FLII: variants seen among roughly 807,000 people sequenced by gnomAD.
FLII encodes the protein FLII actin remodeling protein, also known as protein flightless-1 homolog.
Under a neutral mutation model 156.2 loss-of-function variants are expected in FLII, and 101 were observed. The observed-to-expected ratio is 0.65, with a 90% CI of 0.55 to 0.76. The LOEUF is 0.76. FLII is among the 30% of genes least tolerant of loss of function. The pLI is 0.00. For synonymous variants in FLII, 767 were observed against 685.8 expected, an observed-to-expected ratio of 1.12 and a Z score of -1.85; for missense variants, 1,675 against 1,682.8, an observed-to-expected ratio of 1.00 and a Z score of 0.08.
In FLII at chr17:18,246,322, G is replaced by C. The variant is rs1028235007; in HGVS notation, c.3192C>G (p.Ser1064Arg). Residue 1064 changes from serine (S) to arginine (R), a missense_variant, in exon 24 of 30, where the codon AGC becomes AGG. Ser to Arg is a moderately radical substitution (Grantham distance 110). Transcript: ENST00000327031. ...CAGCCAGGCACCGGGTGCAGAGGGC[G>C]CTGCCGTTGGTGCGGATCTGGTAGA... ...PSLYQIRTNG[S>R]ALCTRCIQIN... 8.7e-6 allele frequency: 14 copies of C among 1,613,730 alleles called. No homozygotes were observed. The highest frequency in any genetic ancestry group is 1.6e-4 in the Middle Eastern group (1 of 6,062).
chr17:18,254,254 A>T, intron 6 of FLII, 72 bp from the exon 7 acceptor site: 1 of 1,241,658 alleles, frequency 8.1e-7, no homozygotes. Flanking sequence ...TTGGCAGGGC[A>T]GGACCAAAAG....
chr17:18,247,238 C>T lies in FLII; in HGVS notation c.2607G>A (p.Lys869=). The part of the protein sequence containing the change: ...LSGKVKRDAE[K]KDQMKADLTA... Reference sequence around the variant, plus strand: ...TGAGGTCAGCCTTCATCTGGTCTTTCTTCTCGGCGTCGCGTTTCACCTTCC... The same window carrying T: ...TGAGGTCAGCCTTCATCTGGTCTTTTTTCTCGGCGTCGCGTTTCACCTTCC... Residue 869 remains lysine, a synonymous_variant, in exon 21 of 30, where the codon AAG becomes AAA. Transcript: ENST00000327031. 2 of 1,603,324 alleles carry T rather than the reference C, an allele frequency of 1.2e-6. No individual in the cohort carries two copies. Among genetic ancestry groups the T allele is most frequent in the Non-Finnish European group, 1.7e-6 (2 of 1,179,246 alleles).
Position 18,258,046 on chromosome 17 carries a change from C to T in FLII, c.63+582G>A, listed in dbSNP as rs1325053391. On this transcript the variant is annotated intron_variant, in intron 1 of 29. Coordinates refer to ENST00000327031, the MANE Select transcript of FLII (RefSeq NM_002018.4). This position sits in a 1 kb window ranked among gnomAD's most constrained non-coding sequence, Gnocchi z 4.2. ...AACTGCCACCCAGCACCTGGCACACCGGCCTGACACACTCTCCACACCAAC... is the reference window on the plus strand; with the variant it reads ...AACTGCCACCCAGCACCTGGCACACTGGCCTGACACACTCTCCACACCAAC... 2.6e-5 allele frequency among the ~76,000 whole-genome samples: 4 copies of T among 152,242 alleles called. No homozygotes were observed. The highest frequency in any genetic ancestry group is 4.4e-5 in the Non-Finnish European group (3 of 68,044).
At position 18,246,766 on chromosome 17, in the gene FLII, T is replaced by C. The variant is rs200248186; in HGVS notation, c.2879A>G (p.Glu960Gly). 1 of 1,613,960 alleles carries C rather than the reference T, an allele frequency of 6.2e-7. No homozygotes were observed. The highest frequency in any genetic ancestry group is 1.3e-5 in the African/African-American group (1 of 75,016). ...GGTTGCTTCCTCGCCTTCTTTGCCC[T>C]CGGCCTTCTCCTCCTTGTCTTCCTT... Reference protein sequence around the residue: ...EKKEDKEEKAEGKEGEEATAE... With the variant: ...EKKEDKEEKAGGKEGEEATAE... The change falls in exon 23 of 30, where the codon GAG becomes GGG. Residue 960 changes from glutamate (E) to glycine (G), a missense_variant. Around this residue, in one of 2 missense-constraint regions of FLII, gnomAD observed 1,332 missense variants for 1,269.3 expected, o/e 1.05. Coordinates refer to ENST00000327031, the MANE Select transcript of FLII (RefSeq NM_002018.4).
In FLII at chr17:18,256,936, G is replaced by C; in HGVS notation, c.147C>G (p.Pro49=). 6.2e-7 allele frequency: 1 copy of C among 1,610,846 alleles called. No individual in the cohort carries two copies. Among genetic ancestry groups the C allele is most frequent in the Non-Finnish European group, 8.5e-7 (1 of 1,178,726 alleles). ...KLNRTGLCYL[P]EELAALQKLE... ...GCTTCTGCAGGGCGGCCAGCTCCTC[G>C]GGCAGGTAGCAGAGGCCAGTGCGGT... The change falls in exon 2 of 30, where the codon CCC becomes CCG. Residue 49 remains proline, a synonymous_variant. Transcript: ENST00000327031.
rs1352731247 is a variant in FLII, at chr17:18,258,599, A to G, written c.63+29T>C. 1.3e-6 allele frequency: 2 copies of G among 1,544,644 alleles called. No individual in the cohort carries two copies. The highest frequency in any genetic ancestry group is 2.8e-5 in the African/African-American group (2 of 71,232). Reference sequence around the variant, plus strand: ...CGGGCGGAAGAGAAGGCCTGCAGGGAGGCCCGGCACGCGCCCGGCCCGGCT... The same window carrying G: ...CGGGCGGAAGAGAAGGCCTGCAGGGGGGCCCGGCACGCGCCCGGCCCGGCT... On this transcript the variant is annotated intron_variant, in intron 1 of 29. Coordinates refer to ENST00000327031, the MANE Select transcript of FLII (RefSeq NM_002018.4). The surrounding 1 kb of genome is among the most constrained non-coding windows in gnomAD (Gnocchi z 4.2).
chr17:18,256,467 G>A (rs2048420502), intron 3 of FLII, 59 bp downstream of exon 3: 9 of 1,382,432 alleles, frequency 6.5e-6, no homozygotes, highest in African/African-American at 1.4e-5. Flanking sequence ...CAGGCTTCAC[G>A]TCCCTGACCG....
Position 18,251,035 on chromosome 17 carries a change from G to A in FLII, c.1597-18C>T, listed in dbSNP as rs4925153. On this transcript the variant is annotated intron_variant, in intron 13 of 29. Coordinates refer to ENST00000327031, the MANE Select transcript of FLII (RefSeq NM_002018.4). Reference sequence around the variant, plus strand: ...AGAAAGGTCTGGAAGCCAAGGCACCGGCCACATCAGCTTTCATCCTGGTCT... The same window carrying A: ...AGAAAGGTCTGGAAGCCAAGGCACCAGCCACATCAGCTTTCATCCTGGTCT... 115 of 1,606,620 alleles carry A rather than the reference G, an allele frequency of 7.2e-5. No homozygotes were observed. Among genetic ancestry groups the A allele is most frequent in the Middle Eastern group, 1.7e-4 (1 of 5,992 alleles).
intron 21 of FLII, 46 bp downstream of exon 21, chr17:18,247,123 G>GGGGCCCC: frequency 8.0e-7 from 1 of 1,249,068 alleles, no homozygotes; most frequent in Non-Finnish European, 1.0e-6. Context: ...CCCTCGGCCT[G>GGGGCCCC]CCCCCCACCC....
chr17:18,248,956 C>G, intron 16 of FLII, 73 bp from the exon 17 acceptor site: 1 of 1,454,660 alleles, frequency 6.9e-7, no homozygotes, highest in Non-Finnish European at 9.6e-7. Context: ...CTGACCCCAC[C>G]AAAAAAAATC....
At chr17:18,253,944 A>G in intron 7 of FLII, 135 bp downstream of exon 7, 1 of 776,176 alleles carries the variant, frequency 1.3e-6, no homozygotes. Context: ...ATAATCGCAA[A>G]AGTCACTGTA....
At position 18,249,203 on chromosome 17, in the gene FLII, TG is replaced by T. The variant is rs753692424; in HGVS notation, c.1860-3del. The T allele has an allele frequency of 1.4e-5, 23 of 1,614,050 alleles. 1 individual carries two copies. The South Asian group carries it at 1.4e-4, about 10-fold the overall frequency. On this transcript the variant is annotated splice_region_variant and splice_polypyrimidine_tract_variant and intron_variant, in intron 15 of 29. Coordinates refer to ENST00000327031, the MANE Select transcript of FLII (RefSeq NM_002018.4). ...TTTTTCCCATACACACGATACATCC[TG>T]GGCGCAGGGCAAGAGTGGCTCAGTG...
At position 18,244,899 on chromosome 17, in the gene FLII, CT is replaced by C; in HGVS notation, c.*238del. ...AAGGGCATCCACATCTGCTTTATCC[CT>C]AGCGGAAGAGTGAGGGGGCTTCACA... is the stretch of plus-strand genomic sequence containing the variant. On this transcript the variant is annotated 3_prime_UTR_variant, in exon 30 of 30. Coordinates refer to ENST00000327031, the MANE Select transcript of FLII (RefSeq NM_002018.4). 1 of 524,052 alleles carries C rather than the reference CT, an allele frequency of 1.9e-6. No individual in the cohort carries two copies. Among genetic ancestry groups the C allele is most frequent in the South Asian group, 3.4e-5 (1 of 29,286 alleles). 32.5% of individuals were successfully genotyped at this position (524,052 alleles called of 1,614,324 possible). A position where few individuals can be genotyped will look rare whatever the true frequency, so the allele number is the denominator to read the frequency against.
chr17:18,256,435 T>C, intron 3 of FLII, 91 bp downstream of exon 3: 1 of 1,032,238 alleles, frequency 9.7e-7, no homozygotes, highest in South Asian at 1.4e-5. Flanking sequence ...GCAGAAATGC[T>C]GGCCCAGCTT....
At chr17:18,255,940 AG>A (rs1232903727) in intron 3 of FLII, among the ~76,000 whole-genome samples, 2 of 152,254 alleles carry the variant, frequency 1.3e-5, no homozygotes, top group Admixed American at 6.5e-5. Flanking sequence ...CTTTGAACTC[AG>A]AGAGTCCAAG....
rs2048084417 is a variant in FLII at position 18,246,950 on chromosome 17, G to C, written c.2779C>G (p.His927Asp). ...FARLPEEEFG[H>D]FYTQDCYVFL... ...ACGTAGCAGTCCTGCGTGTAGAAGTGGCCAAACTCCTCTTCCGGCAGCCGC... is the reference window on the plus strand; with the variant it reads ...ACGTAGCAGTCCTGCGTGTAGAAGTCGCCAAACTCCTCTTCCGGCAGCCGC... Residue 927 changes from histidine to aspartate, a missense_variant, in exon 22 of 30, where the codon CAC becomes GAC. Physicochemically the swap from His to Asp is moderately conservative, Grantham distance 81. Around this residue, in one of 2 missense-constraint regions of FLII, gnomAD observed 1,332 missense variants for 1,269.3 expected, o/e 1.05. Coordinates refer to ENST00000327031, the MANE Select transcript of FLII (RefSeq NM_002018.4). The C allele has an allele frequency of 6.2e-7, 1 of 1,613,972 alleles. No homozygotes were observed. The highest frequency in any genetic ancestry group is 1.3e-5 in the African/African-American group (1 of 74,894).
In FLII at chr17:18,245,650, C is replaced by G. The variant is rs754988195; in HGVS notation, c.3514G>C (p.Glu1172Gln). Residue 1172 changes from glutamate (E) to glutamine (Q), a missense_variant, in exon 28 of 30, where the codon GAG becomes CAG. By Grantham distance (29) the Glu-to-Gln change is conservative. This residue lies in a region of FLII where 1,332 missense variants were observed against 1,269.3 expected (regional missense o/e 1.05). Transcript: ENST00000327031. The stretch of plus-strand genomic sequence containing the variant: ...TCAGTCACTGCAAAGTAGCCCTTCT[C>G]GTTGGAGCACCTGGGAATCAAGGGT... ...KHTRLFRCSN[E>Q]KGYFAVTEKC... The G allele has an allele frequency of 6.2e-7, 1 of 1,613,790 alleles. No homozygotes were observed. The highest frequency in any genetic ancestry group is 8.5e-7 in the Non-Finnish European group (1 of 1,179,972).
intron 9 of FLII, 23 bp from the exon 10 acceptor site, chr17:18,252,579 G>A: frequency 6.2e-7 from 1 of 1,603,004 alleles, no homozygotes; most frequent in Non-Finnish European, 8.5e-7. Context: ...GGCCAGCCAG[G>A]GCCTCAGGCA....
Position 18,245,923 on chromosome 17 carries a change from C to CGCCT in FLII, c.3396+7_3396+10dup. The CGCCT allele has an allele frequency of 6.2e-7, 1 of 1,613,780 alleles. No individual in the cohort carries two copies. The highest frequency in any genetic ancestry group is 8.5e-7 in the Non-Finnish European group (1 of 1,179,772). ...CTCTGTGTGTGCCCGCCTGCCCGCC[C>CGCCT]GCCTCCTGACCTGCTTGCTGTAGGA... On this transcript the variant is annotated intron_variant, in intron 26 of 29. Transcript: ENST00000327031.
Sources: gnomAD v4.1 joint callset for allele counts (sites outside exome capture counted in the v4.1 genomes callset) on GRCh38, gnomAD v4.1.1 for gene constraint, gnomAD v4.1.1 regional missense constraint, Gnocchi (gnomAD v3.1) non-coding constraint, MANE v1.5 for transcripts, NCBI Gene and HGNC (gene_info 2026-07-23, HGNC 2026-07-21) for gene names.